TNFSF13B: variants seen among roughly 807,000 people sequenced by gnomAD.
TNFSF13B encodes the protein tumor necrosis factor ligand superfamily member 13B.
A neutral mutation model predicts 29.1 loss-of-function variants in TNFSF13B; 8 were observed. That is an observed-to-expected ratio of 0.27 (90% confidence interval 0.16 to 0.50). TNFSF13B has a LOEUF of 0.50. Ranked by LOEUF, TNFSF13B falls within the 20% of genes least tolerant of loss-of-function variation. The probability of loss-of-function intolerance (pLI) is 0.98; values close to 1 mark genes in which losing one functional copy is unlikely to be tolerated. For synonymous variants in TNFSF13B, 125 were observed against 130.8 expected (o/e 0.96, Z 0.30); for missense variants, 248 against 334.9 (o/e 0.74, Z 2.03).
chr13:108,298,444 G>T (rs1881515445), intron 3 of TNFSF13B, among the ~76,000 whole-genome samples: 1 of 145,478 alleles, frequency 6.9e-6, no homozygotes, highest in Non-Finnish European at 1.5e-5. Context: ...TTCCAATGTT[G>T]AAGAAAGTCA....
intron 2 of TNFSF13B, among the ~76,000 whole-genome samples, chr13:108,278,631 C>CCTTCTCTTCCTCCTCCTCCT: frequency 9.3e-6 from 1 of 107,682 alleles, no homozygotes; most frequent in Non-Finnish European, 2.0e-5. Flanking sequence ...CTCCTCCTCC[C>CCTTCTCTTCCTCCTCCTCCT]TTTCCTCCTC....
At chr13:108,277,696 A>G (rs936425079) in intron 2 of TNFSF13B, among the ~76,000 whole-genome samples, 3 of 152,140 alleles carry the variant, frequency 2.0e-5, no homozygotes, top group Admixed American at 1.3e-4. Flanking sequence ...TATGCTAAAC[A>G]AGGGGTGGAT....
chr13:108,286,354 A>ATT (rs541816471), intron 2 of TNFSF13B, among the ~76,000 whole-genome samples: 3 of 147,296 alleles, frequency 2.0e-5, no homozygotes, highest in Non-Finnish European at 3.0e-5. Context: ...ACGTATTAGC[A>ATT]TTTTTTTTTT....
At chr13:108,292,966 G>A (rs1411159295) in intron 3 of TNFSF13B, among the ~76,000 whole-genome samples, 3 of 151,952 alleles carry the variant, frequency 2.0e-5, no homozygotes, top group Admixed American at 6.6e-5. Flanking sequence ...TGTTTCTTGT[G>A]ATTTTAGTGT....
chr13:108,283,412 G>A (rs563533327), intron 2 of TNFSF13B, among the ~76,000 whole-genome samples: 45 of 152,238 alleles, frequency 3.0e-4, no homozygotes, highest in African/African-American at 1.0e-3. Context: ...CTCTTCTGAA[G>A]AACAGTTCTT....
intron 3 of TNFSF13B, among the ~76,000 whole-genome samples, chr13:108,289,901 G>GT (rs1224206737): frequency 4.6e-5 from 7 of 151,672 alleles, no homozygotes; most frequent in African/African-American, 1.5e-4. Context: ...CTGTTCATTT[G>GT]TTTTTTTGAA....
intron 2 of TNFSF13B, among the ~76,000 whole-genome samples, chr13:108,279,658 A>G (rs1880875994): frequency 6.6e-6 from 1 of 152,190 alleles, no homozygotes; most frequent in African/African-American, 2.4e-5. Flanking sequence ...AGAAGAACAA[A>G]TTTGCACTTA....
At chr13:108,299,317 C>A (rs1426143723) in intron 3 of TNFSF13B, among the ~76,000 whole-genome samples, 1 of 144,870 alleles carries the variant, frequency 6.9e-6, no homozygotes. Context: ...TCATAATTTT[C>A]TCTTTCTTTG....
chr13:108,307,080 GT>G lies in TNFSF13B; in HGVS notation c.*146del, dbSNP rs1285200371. 1 of 567,220 alleles carries G rather than the reference GT, an allele frequency of 1.8e-6. No homozygotes were observed. The highest frequency in any genetic ancestry group is 2.3e-5 in the African/African-American group (1 of 42,702). 35.1% of individuals were successfully genotyped at this position (567,220 alleles called of 1,614,324 possible). A position where few individuals can be genotyped will look rare whatever the true frequency, so the allele number is the denominator to read the frequency against. On this transcript the variant is annotated 3_prime_UTR_variant, in exon 6 of 6. Coordinates refer to ENST00000375887, the MANE Select transcript of TNFSF13B (RefSeq NM_006573.5). ...CCATTGCCTTTTCTGTGAGCTATTT[GT>G]TTTGGTTTGCTGAAACTAGTCCAAA...
intron 3 of TNFSF13B, among the ~76,000 whole-genome samples, chr13:108,294,183 ATT>A (rs111754666): frequency 2.8e-5 from 4 of 144,026 alleles, no homozygotes; most frequent in African/African-American, 5.1e-5. Flanking sequence ...AAATTCATGG[ATT>A]TTTTTTTTTT....
At position 108,288,852 on chromosome 13, in the gene TNFSF13B, G is replaced by A. The variant is rs572456683; in HGVS notation, c.481+1993G>A. On this transcript the variant is annotated intron_variant, in intron 3 of 5. Coordinates refer to ENST00000375887, the MANE Select transcript of TNFSF13B (RefSeq NM_006573.5). ...TCAGGAGTATCTGGAGGTTAGGCTA[G>A]GCGATGAGGAATGGGCAAAACAACA... Among the ~76,000 whole-genome samples, 15 of 152,274 alleles carry A rather than the reference G, an allele frequency of 9.9e-5. No homozygotes were observed. In the South Asian group the frequency reaches 3.1e-3, roughly 32 times the overall value.
intron 2 of TNFSF13B, among the ~76,000 whole-genome samples, chr13:108,284,153 G>C (rs913350638): frequency 1.3e-5 from 2 of 152,076 alleles, no homozygotes; most frequent in African/African-American, 2.4e-5. Flanking sequence ...CACGATGAAA[G>C]CCCGTCTCTA....
chr13:108,294,080 C>T (rs909875633), intron 3 of TNFSF13B, among the ~76,000 whole-genome samples: 1 of 152,022 alleles, frequency 6.6e-6, no homozygotes, highest in Non-Finnish European at 1.5e-5. Context: ...TTATTCATTC[C>T]TGGTATATTG....
chr13:108,286,786 A>C lies in TNFSF13B; in HGVS notation c.425-17A>C, dbSNP rs1475532462. Reference sequence around the variant, plus strand: ...TTTCTACTCAAGTAACTAAAATGATAAATTTTTGCTTTTTAGTCACTCAAG... The same window carrying C: ...TTTCTACTCAAGTAACTAAAATGATCAATTTTTGCTTTTTAGTCACTCAAG... On this transcript the variant is annotated splice_polypyrimidine_tract_variant and intron_variant, in intron 2 of 5. Coordinates refer to ENST00000375887, the MANE Select transcript of TNFSF13B (RefSeq NM_006573.5). 3.2e-5 allele frequency: 49 copies of C among 1,540,308 alleles called. No individual in the cohort carries two copies. The highest frequency in any genetic ancestry group is 4.0e-5 in the Non-Finnish European group (45 of 1,134,588).
Position 108,296,619 on chromosome 13 carries a change from G to A in TNFSF13B, c.482-6634G>A, listed in dbSNP as rs1487557862. ...AATTTAGCTCATTTATATTTAAAGTGATTACTGATAAGGAAAGAATTACTT... is the reference window on the plus strand; with the variant it reads ...AATTTAGCTCATTTATATTTAAAGTAATTACTGATAAGGAAAGAATTACTT... On this transcript the variant is annotated intron_variant, in intron 3 of 5. Transcript: ENST00000375887. Among the ~76,000 whole-genome samples, 7 of 145,584 alleles carry A rather than the reference G, an allele frequency of 4.8e-5. 2 individuals are homozygous for A. The highest frequency in any genetic ancestry group is 1.8e-4 in the African/African-American group (7 of 38,816).
chr13:108,289,958 A>G (rs974911509), intron 3 of TNFSF13B, among the ~76,000 whole-genome samples: 2 of 152,128 alleles, frequency 1.3e-5, no homozygotes, highest in Admixed American at 6.6e-5. Context: ...CGTTGCAAAA[A>G]ATAAAAAAGC....
intron 2 of TNFSF13B, among the ~76,000 whole-genome samples, chr13:108,278,881 C>G (rs1423684386): frequency 6.6e-6 from 1 of 152,010 alleles, no homozygotes; most frequent in Non-Finnish European, 1.5e-5. Context: ...CAAAATAAGA[C>G]ATTTTAGGAA....
chr13:108,289,759 C>T (rs1030793073), intron 3 of TNFSF13B, among the ~76,000 whole-genome samples: 2 of 151,602 alleles, frequency 1.3e-5, no homozygotes, highest in South Asian at 2.1e-4. Context: ...AGCGGGGCTA[C>T]GTTCATCTGA....
chr13:108,280,117 T>C (rs1880893683), intron 2 of TNFSF13B, among the ~76,000 whole-genome samples: 1 of 149,674 alleles, frequency 6.7e-6, no homozygotes, highest in Non-Finnish European at 1.5e-5. Flanking sequence ...CTGACGTAGA[T>C]TAAGTCCTTA....
Sources: allele counts gnomAD v4.1 joint callset (sites outside exome capture counted in the v4.1 genomes callset), GRCh38; gene constraint gnomAD v4.1.1; transcripts MANE v1.5; gene names NCBI Gene and HGNC (gene_info 2026-07-23, HGNC 2026-07-21).